The following ZFYVE28 variants were observed in gnomAD, a reference collection of about 807,000 sequenced individuals.
ZFYVE28 encodes zinc finger FYVE-type containing 28, also known as lateral signaling target protein 2 homolog.
ZFYVE28 carries 40 observed loss-of-function variants against 82.1 expected under a neutral mutation model. The ratio of observed to expected loss-of-function variants is 0.49; its 90% CI spans 0.38 to 0.63. ZFYVE28 has a LOEUF of 0.63. Among genes scored for constraint, ZFYVE28 ranks in the 30% least tolerant of loss-of-function variants. The pLI, the probability that ZFYVE28 is intolerant of heterozygous loss-of-function variation, is 0.00. For missense variants in ZFYVE28, 1,321 were observed against 1,242.1 expected (o/e 1.06, Z -0.96); for synonymous variants, 612 against 546.1 (o/e 1.12, Z -1.68).
intron 8 of ZFYVE28, among the ~76,000 whole-genome samples, chr4:2,302,110 A>AGCAGGAGG (rs1577977670): frequency 6.6e-6 from 1 of 152,222 alleles, no homozygotes; most frequent in Non-Finnish European, 1.5e-5. Flanking sequence ...GAGTGCTTGT[A>AGCAGGAGG]GCAGGAGGCC....
chr4:2,299,982 G>A (rs1375139778), intron 8 of ZFYVE28, among the ~76,000 whole-genome samples: 2 of 152,080 alleles, frequency 1.3e-5, no homozygotes, highest in African/African-American at 4.8e-5. Context: ...TACTTTTCAT[G>A]AGATGGGGTC....
chr4:2,291,908 G>A (rs1397233146), intron 8 of ZFYVE28, among the ~76,000 whole-genome samples: 3 of 152,218 alleles, frequency 2.0e-5, no homozygotes, highest in African/African-American at 2.4e-5. Flanking sequence ...GAGCAGAGGG[G>A]GCCGGGCTGC....
chr4:2,382,465 G>C (rs1728825721), intron 1 of ZFYVE28, among the ~76,000 whole-genome samples: 1 of 152,242 alleles, frequency 6.6e-6, no homozygotes, highest in Admixed American at 6.5e-5. Context: ...ACCTGGATGT[G>C]AGACCTGGAG....
Position 2,320,133 on chromosome 4 carries a change from C to CCCACCCCA in ZFYVE28, c.803+36_803+37insTGGGGTGG. The stretch of plus-strand genomic sequence containing the variant: ...GCGCCCACCTGTGGCCCTCCTGTCC[C>CCCACCCCA]CCTCCCCTCCCCCACCTCCTCTAGC... On this transcript the variant is annotated intron_variant, in intron 7 of 12. Transcript: ENST00000290974. This position sits in a 1 kb window ranked among gnomAD's most constrained non-coding sequence, Gnocchi z 5.1. 6.3e-7 allele frequency: 1 copy of CCCACCCCA among 1,582,608 alleles called. No homozygotes were observed. The highest frequency in any genetic ancestry group is 8.7e-7 in the Non-Finnish European group (1 of 1,152,874).
chr4:2,350,372 G>A (rs1294660020), intron 2 of ZFYVE28, among the ~76,000 whole-genome samples: 1 of 152,006 alleles, frequency 6.6e-6, no homozygotes, highest in Non-Finnish European at 1.5e-5. Context: ...GCTGAGGCAG[G>A]AGAATGGTGT....
intron 2 of ZFYVE28, chr4:2,342,469 C>G (rs571668608): frequency 2.0e-5 from 3 of 152,188 alleles, no homozygotes; most frequent in African/African-American, 7.2e-5. Flanking sequence ...TCATAGCTTA[C>G]GACAGCCTCA....
chr4:2,298,243 GGTGACACA>G (rs1577959469), intron 8 of ZFYVE28, among the ~76,000 whole-genome samples: 1 of 151,112 alleles, frequency 6.6e-6, no homozygotes, highest in African/African-American at 2.4e-5. Flanking sequence ...GGGGTGACAC[GGTGACACA>G]GTGACACAGC....
rs931439686 is a variant in ZFYVE28 at position 2,372,726 on chromosome 4, G to T, written c.40-18653C>A. On this transcript the variant is annotated intron_variant, in intron 1 of 12. Coordinates refer to ENST00000290974, the MANE Select transcript of ZFYVE28 (RefSeq NM_020972.3). The surrounding 1 kb of genome is among the most constrained non-coding windows in gnomAD (Gnocchi z 5.2). ...CAGGCACTCCAGGGCTTCGCTGATT[G>T]TGTCAGTTAAACTCCGAGGGTTGGG... 4.6e-5 allele frequency among the ~76,000 whole-genome samples: 7 copies of T among 152,152 alleles called. No individual in the cohort carries two copies. Among genetic ancestry groups the T allele is most frequent in the Admixed American group, 3.3e-4 (5 of 15,284 alleles).
rs142243403 is a variant in ZFYVE28 at position 2,335,593 on chromosome 4, G to A, written c.701+112C>T. Reference sequence around the variant, plus strand: ...CTGTCACTGATCGGGACAGCTGAGCGGCCACCGTGAGGTGGAGACGCCATG... The same window carrying A: ...CTGTCACTGATCGGGACAGCTGAGCAGCCACCGTGAGGTGGAGACGCCATG... On this transcript the variant is annotated intron_variant, in intron 6 of 12. Coordinates refer to ENST00000290974, the MANE Select transcript of ZFYVE28 (RefSeq NM_020972.3). This position sits in a 1 kb window ranked among gnomAD's most constrained non-coding sequence, Gnocchi z 5.8. 8.4e-3 allele frequency: 8,230 copies of A among 974,226 alleles called. 54 individuals are homozygous for A. Among genetic ancestry groups the A allele is most frequent in the Middle Eastern group, 0.032 (113 of 3,568 alleles). 60.3% of individuals were successfully genotyped at this position (974,226 alleles called of 1,614,324 possible).
At chr4:2,284,217 T>C (rs1406225720) in intron 8 of ZFYVE28, among the ~76,000 whole-genome samples, 2 of 151,522 alleles carry the variant, frequency 1.3e-5, no homozygotes, top group African/African-American at 2.4e-5. Flanking sequence ...TGCAAATGAG[T>C]GTTCAGAAAT....
In ZFYVE28 at chr4:2,408,655, A is replaced by C. The variant is rs1008637692; in HGVS notation, c.39+9630T>G. On this transcript the variant is annotated intron_variant, in intron 1 of 12. Transcript: ENST00000290974. This position sits in a 1 kb window ranked among gnomAD's most constrained non-coding sequence, Gnocchi z 4.3. Reference sequence around the variant, plus strand: ...CCACCTAGATGATGGCGCCCCATCCAGATAGAGTCCCGCCCAGATGAGTAC... The same window carrying C: ...CCACCTAGATGATGGCGCCCCATCCCGATAGAGTCCCGCCCAGATGAGTAC... Among the ~76,000 whole-genome samples the C allele has an allele frequency of 1.3e-5, 2 of 152,124 alleles. No homozygotes were observed. Among genetic ancestry groups the C allele is most frequent in the African/African-American group, 4.8e-5 (2 of 41,412 alleles).
At chr4:2,330,888 A>G (rs1720574692) in intron 6 of ZFYVE28, 2 of 1,532,252 alleles carry the variant, frequency 1.3e-6, no homozygotes, top group Non-Finnish European at 1.7e-6. Flanking sequence ...CAGGCAGATC[A>G]CGGTGGGAGC....
intron 5 of ZFYVE28, 109 bp downstream of exon 5, chr4:2,337,298 A>G (rs1344113671): frequency 7.2e-5 from 66 of 918,518 alleles, no homozygotes; most frequent in Non-Finnish European, 1.3e-5. Flanking sequence ...CATCTGGGGC[A>G]CTCCCGAGAC....
rs1294853899 is a variant in ZFYVE28, at chr4:2,379,348, C to G, written c.40-25275G>C. On this transcript the variant is annotated intron_variant, in intron 1 of 12. Coordinates refer to ENST00000290974, the MANE Select transcript of ZFYVE28 (RefSeq NM_020972.3). ...GTGGGCAGTGCAAGGATTCTCGGCC[C>G]TCCCAGGCCAGGAGCTGTCCCCCTA... 4.6e-5 allele frequency among the ~76,000 whole-genome samples: 7 copies of G among 152,340 alleles called. No individual in the cohort carries two copies. In the East Asian group the frequency reaches 7.7e-4, roughly 17 times the overall value.
intron 1 of ZFYVE28, among the ~76,000 whole-genome samples, chr4:2,400,765 T>G (rs980923968): frequency 1.3e-5 from 2 of 152,158 alleles, no homozygotes; most frequent in African/African-American, 2.4e-5. Context: ...TTCTTCTGCC[T>G]GCTTTACATT....
Position 2,274,078 on chromosome 4 carries a change from C to G in ZFYVE28, c.2190G>C (p.Leu730=), listed in dbSNP as rs1736170862. ...ACATGACACCTGAAATGCAGACGAA[C>G]AGGCGGTGGATGAGGTCGTGGCTGC... is the stretch of plus-strand genomic sequence containing the variant. ...FHGSHDLIHR[L]FVCISGVADQ... is the part of the protein sequence containing the mutation. The change falls in exon 9 of 13, where the codon CTG becomes CTC. Residue 730 remains leucine, a synonymous_variant. Coordinates refer to ENST00000290974, the MANE Select transcript of ZFYVE28 (RefSeq NM_020972.3). The G allele has an allele frequency of 6.2e-7, 1 of 1,613,968 alleles. No individual in the cohort carries two copies. The highest frequency in any genetic ancestry group is 8.5e-7 in the Non-Finnish European group (1 of 1,180,010).
chr4:2,296,043 C>T (rs1285038101), intron 8 of ZFYVE28, among the ~76,000 whole-genome samples: 1 of 152,122 alleles, frequency 6.6e-6, no homozygotes, highest in Admixed American at 6.5e-5. Flanking sequence ...AAGGATGGGC[C>T]CTGGGTGGGG....
At chr4:2,370,393 C>A (rs559875647) in intron 1 of ZFYVE28, among the ~76,000 whole-genome samples, 1 of 152,298 alleles carries the variant, frequency 6.6e-6, no homozygotes, top group African/African-American at 2.4e-5. Context: ...GCAGAGCTGG[C>A]CGAGCTGCCC....
chr4:2,333,427 A>G (rs557620377), intron 6 of ZFYVE28, among the ~76,000 whole-genome samples: 1 of 151,698 alleles, frequency 6.6e-6, no homozygotes, highest in Non-Finnish European at 1.5e-5. Context: ...GACACAGATG[A>G]TACTGGTTGG....
Sources: allele counts gnomAD v4.1 joint callset (sites outside exome capture counted in the v4.1 genomes callset), GRCh38; gene constraint gnomAD v4.1.1; non-coding constraint Gnocchi (gnomAD v3.1); transcripts MANE v1.5; gene names NCBI Gene and HGNC (gene_info 2026-07-23, HGNC 2026-07-21).